Variants in PLXNB2 observed in about 807,000 individuals in gnomAD.
PLXNB2 encodes plexin B2.
Under a neutral mutation model 202.6 loss-of-function variants are expected in PLXNB2, and 85 were observed. The observed-to-expected ratio is 0.42, with a 90% CI of 0.35 to 0.50. PLXNB2 has a LOEUF of 0.50. PLXNB2 is among the 20% of genes least tolerant of loss of function. The pLI is 0.02. For synonymous variants in PLXNB2, 1,239 were observed against 1,137.6 expected, an observed-to-expected ratio of 1.09 and a Z score of -1.79; for missense variants, 2,063 against 2,586.2, an observed-to-expected ratio of 0.80 and a Z score of 4.39.
In PLXNB2 at chr22:50,276,710, G is replaced by C; in HGVS notation, c.5262-6C>G. 3.7e-6 allele frequency: 6 copies of C among 1,612,980 alleles called. No individual in the cohort carries two copies. The highest frequency in any genetic ancestry group is 5.1e-6 in the Non-Finnish European group (6 of 1,179,104). ...GCCGGATCCCCTTGTAGTAACTGCA[G>C]GGGTGGGAGCATCATACAGTGTGGG... On this transcript the variant is annotated splice_polypyrimidine_tract_variant and splice_region_variant and intron_variant, in intron 34 of 36. Transcript: ENST00000359337.
chr22:50,279,577 C>G, intron 27 of PLXNB2, 53 bp downstream of exon 27: 1 of 1,573,428 alleles, frequency 6.4e-7, no homozygotes, highest in South Asian at 1.1e-5. Flanking sequence ...GATGCCCAAG[C>G]TCCTTAGCCC....
chr22:50,294,803 G>A lies in PLXNB2; in HGVS notation c.-73-25C>T, dbSNP rs565259845. 115 of 980,002 alleles carry A rather than the reference G, an allele frequency of 1.2e-4. No homozygotes were observed. The African/African-American group carries it at 2.0e-3, about 17-fold the overall frequency. The allele number at this position is 980,002 out of a possible 1,614,324, so 60.7% of individuals were successfully genotyped here. On this transcript the variant is annotated intron_variant, in intron 1 of 36. Coordinates refer to ENST00000359337, the MANE Select transcript of PLXNB2 (RefSeq NM_012401.4). ...TCTAGGAGGCAAAGGAGAGACGCCG[G>A]TCACAAGAGGAGCCCGGTCTGCTGT... is the stretch of plus-strand genomic sequence containing the variant.
chr22:50,282,110 C>A, intron 19 of PLXNB2, 29 bp from the exon 20 acceptor site: 2 of 1,604,340 alleles, frequency 1.2e-6, no homozygotes, highest in East Asian at 2.2e-5. Flanking sequence ...TGTCAGCCCC[C>A]GGGCGCAGAC....
chr22:50,293,443 G>C (rs537868857), intron 2 of PLXNB2, among the ~76,000 whole-genome samples: 19 of 152,290 alleles, frequency 1.2e-4, no homozygotes, highest in Non-Finnish European at 2.2e-4. Flanking sequence ...TGGCGCCAGC[G>C]GGGGCAGGCA....
Position 50,290,003 on chromosome 22 carries a change from C to T in PLXNB2, c.582G>A (p.Arg194=). ...GGTCCGTGTAGGCTTCAAAGGCCTCCCTGCTGTCAGTCCGGTCCAACAGCC... is the reference window on the plus strand; with the variant it reads ...GGTCCGTGTAGGCTTCAAAGGCCTCTCTGCTGTCAGTCCGGTCCAACAGCC... ...STRLLDRTDS[R]EAFEAYTDHA... The change falls in exon 3 of 37, where the codon AGG becomes AGA. Residue 194 remains arginine, a synonymous_variant. Transcript: ENST00000359337. 1 of 1,613,410 alleles carries T rather than the reference C, an allele frequency of 6.2e-7. No homozygotes were observed. Among genetic ancestry groups the T allele is most frequent in the South Asian group, 1.1e-5 (1 of 91,084 alleles).
chr22:50,278,882 A>G lies in PLXNB2; in HGVS notation c.4519T>C (p.Trp1507Arg). The stretch of plus-strand genomic sequence containing the variant: ...AGGACCACGCTGTCTGGCCTGGGCC[A>G]GCAGGAGCAGGGCTGCCCACGGTAC... ...QVYRGQPCSC[W>R]PRPDSVVLEW... is the part of the protein sequence containing the mutation. The change falls in exon 28 of 37, where the codon TGG becomes CGG. Residue 1507 changes from tryptophan (W) to arginine (R), a missense_variant. Trp to Arg is a moderately radical substitution (Grantham distance 101, BLOSUM62 -3). This residue lies in a region of PLXNB2 where 760 missense variants were observed against 1,109.4 expected (regional missense o/e 0.69). Coordinates refer to ENST00000359337, the MANE Select transcript of PLXNB2 (RefSeq NM_012401.4). 6.2e-7 allele frequency: 1 copy of G among 1,612,768 alleles called. No homozygotes were observed. The highest frequency in any genetic ancestry group is 8.5e-7 in the Non-Finnish European group (1 of 1,179,412).
chr22:50,289,101 G>C lies in PLXNB2; in HGVS notation c.1110C>G (p.Pro370=), dbSNP rs746303647. ...GCCCGTCGCGGCTGCCCAGCGGGTA[G>C]GGCAGGTGCTCCGAGCCACATGGGA... ...KSFPCGSEHL[P]YPLGSRDGLR... Residue 370 remains proline, a synonymous_variant, in exon 4 of 37, where the codon CCC becomes CCG. Transcript: ENST00000359337. This position sits in a 1 kb window ranked among gnomAD's most constrained non-coding sequence, Gnocchi z 8.0. The C allele has an allele frequency of 1.3e-6, 2 of 1,590,904 alleles. No homozygotes were observed. The highest frequency in any genetic ancestry group is 1.7e-5 in the Admixed American group (1 of 59,534).
At position 50,288,881 on chromosome 22, in the gene PLXNB2, C is replaced by G; in HGVS notation, c.1252-10G>C. Reference sequence around the variant, plus strand: ...CTGGGGTGAGGTACACCTGTGTGCGCGAGGGCAGGCCGGTGAGGGTACGGG... The same window carrying G: ...CTGGGGTGAGGTACACCTGTGTGCGGGAGGGCAGGCCGGTGAGGGTACGGG... On this transcript the variant is annotated splice_polypyrimidine_tract_variant and intron_variant, in intron 4 of 36. Coordinates refer to ENST00000359337, the MANE Select transcript of PLXNB2 (RefSeq NM_012401.4). The surrounding 1 kb of genome is among the most constrained non-coding windows in gnomAD (Gnocchi z 5.0). 6.2e-7 allele frequency: 1 copy of G among 1,613,120 alleles called. No individual in the cohort carries two copies. Among genetic ancestry groups the G allele is most frequent in the Non-Finnish European group, 8.5e-7 (1 of 1,179,834 alleles).
At chr22:50,300,260 C>T (rs974345951) in intron 1 of PLXNB2, 1 of 985,142 alleles carries the variant, frequency 1.0e-6, no homozygotes, top group Non-Finnish European at 1.2e-6. Flanking sequence ...GAGACGTCGT[C>T]CCCGCGGGGC....
At position 50,275,877 on chromosome 22, in the gene PLXNB2, G is replaced by T; in HGVS notation, c.5412+12C>A. On this transcript the variant is annotated intron_variant, in intron 36 of 36. Transcript: ENST00000359337. ...ACCCCACCTGCCCCCGCCCCCGGGG[G>T]CCTGACCCTACCTCGTCATAGTACT... 1.2e-6 allele frequency: 2 copies of T among 1,612,096 alleles called. No homozygotes were observed. Among genetic ancestry groups the T allele is most frequent in the East Asian group, 2.2e-5 (1 of 44,800 alleles).
chr22:50,306,467 G>A (rs1413095046), intron 1 of PLXNB2, among the ~76,000 whole-genome samples: 2 of 152,224 alleles, frequency 1.3e-5, no homozygotes, highest in Non-Finnish European at 2.9e-5. Context: ...GGGTCATCTG[G>A]GCATGGGGCA....
rs2065917413 is a variant in PLXNB2, at chr22:50,280,644, C to G, written c.4020G>C (p.Arg1340=). 1.2e-6 allele frequency: 2 copies of G among 1,612,432 alleles called. No homozygotes were observed. The highest frequency in any genetic ancestry group is 2.7e-5 in the African/African-American group (2 of 74,930). ...AGACCTTGGCGCGGGCCGAGAACTC[C>G]CGCTGGTTCTCCAGGGTGTGGATGA... ...INFIHTLENQ[R]EFSARAKVYF... The change falls in exon 25 of 37, where the codon CGG becomes CGC. Residue 1340 remains arginine, a synonymous_variant. Coordinates refer to ENST00000359337, the MANE Select transcript of PLXNB2 (RefSeq NM_012401.4).
intron 35 of PLXNB2, among the ~76,000 whole-genome samples, 155 bp from the exon 36 acceptor site, chr22:50,276,118 TCAGA>T (rs988300231): frequency 6.6e-6 from 1 of 152,124 alleles, no homozygotes; most frequent in Non-Finnish European, 1.5e-5. Context: ...TGGCACAGCC[TCAGA>T]CAGACACCCA....
chr22:50,306,984 G>A (rs1385490392), intron 1 of PLXNB2, among the ~76,000 whole-genome samples: 1 of 152,112 alleles, frequency 6.6e-6, no homozygotes, highest in African/African-American at 2.4e-5. Flanking sequence ...GACAGGCAGG[G>A]CTCGCGCCCC....
intron 1 of PLXNB2, among the ~76,000 whole-genome samples, chr22:50,306,681 CCACCCT>C (rs373798870): frequency 0.41 from 60,026 of 145,312 alleles, 12,131 homozygotes; most frequent in East Asian, 0.5. Flanking sequence ...GGTTTGGGGC[CCACCCT>C]CACCCTCACC....
chr22:50,283,545 A>G, intron 15 of PLXNB2, 57 bp downstream of exon 15: 7 of 1,569,058 alleles, frequency 4.5e-6, no homozygotes, highest in Non-Finnish European at 6.1e-6. Flanking sequence ...GTCACCCGGA[A>G]CCCCAGCGTG....
At chr22:50,294,819 G>GGTCTGCTGTGGAGCCCC in intron 1 of PLXNB2, 41 bp from the exon 2 acceptor site, 1 of 939,614 alleles carries the variant, frequency 1.1e-6, no homozygotes, top group South Asian at 4.9e-5. Context: ...AGAGGAGCCC[G>GGTCTGCTGTGGAGCCCC]GTCTGCTGTG....
intron 35 of PLXNB2, among the ~76,000 whole-genome samples, chr22:50,276,298 G>A (rs560267420): frequency 1.3e-5 from 2 of 149,554 alleles, no homozygotes; most frequent in South Asian, 4.2e-4. Context: ...AGGGGGCGCT[G>A]TGGACACGGC....
rs200111358 is a variant in PLXNB2, at chr22:50,283,369, G to A, written c.2647C>T (p.Arg883Cys). 171 of 1,613,168 alleles carry A rather than the reference G, an allele frequency of 1.1e-4. No homozygotes were observed. The highest frequency in any genetic ancestry group is 1.3e-4 in the Non-Finnish European group (151 of 1,179,922). The change falls in exon 16 of 37, where the codon CGT (arginine) becomes TGT (cysteine). Residue 883 changes from arginine to cysteine, a missense_variant. Physicochemically the swap from Arg to Cys is radical, Grantham distance 180 (BLOSUM62 -3). Around this residue, in one of 2 missense-constraint regions of PLXNB2, gnomAD observed 1,303 missense variants for 1,476.8 expected, o/e 0.88. Transcript: ENST00000359337. ...VEVDVFGKLG[R>C]SPPNVQFTFQ... Reference sequence around the variant, plus strand: ...GTGAACTGGACATTGGGAGGCGAACGGCCCAGTTTCCCGAAGACGTCCACC... The same window carrying A: ...GTGAACTGGACATTGGGAGGCGAACAGCCCAGTTTCCCGAAGACGTCCACC...
Sources: allele counts gnomAD v4.1 joint callset (sites outside exome capture counted in the v4.1 genomes callset), GRCh38; gene constraint gnomAD v4.1.1; regional missense constraint gnomAD v4.1.1; non-coding constraint Gnocchi (gnomAD v3.1); transcripts MANE v1.5; gene names NCBI Gene and HGNC (gene_info 2026-07-23, HGNC 2026-07-21).